STOX2: variants seen among roughly 807,000 people sequenced by gnomAD.
STOX2 encodes the protein storkhead-box protein 2.
In STOX2, 28 loss-of-function variants were observed where a neutral mutation model predicts 60.9. That is an observed-to-expected ratio of 0.46 (90% CI 0.34 to 0.63). STOX2 has a LOEUF of 0.63. STOX2 is among the 30% of genes least tolerant of loss of function. The probability of loss-of-function intolerance (pLI) is 0.01; values close to 1 mark genes in which losing one functional copy is unlikely to be tolerated. For missense variants in STOX2, 1,024 were observed against 1,187.7 expected, an observed-to-expected ratio of 0.86 and a Z score of 2.03; for synonymous variants, 472 against 463.9, an observed-to-expected ratio of 1.02 and a Z score of -0.22.
intron 1 of STOX2, among the ~76,000 whole-genome samples, chr4:183,807,874 G>C (rs905184271): frequency 1.3e-5 from 2 of 152,246 alleles, no homozygotes; most frequent in African/African-American, 4.8e-5. Flanking sequence ...TGCTGTCCGT[G>C]AGGCTGCAGC....
chr4:183,807,710 T>TGG lies in STOX2; in HGVS notation c.364+9658_364+9659dup, dbSNP rs141706521. On this transcript the variant is annotated intron_variant, in intron 1 of 2. Transcript: ENST00000513034. ...CTGGAAGAGGCTGAGCTGGGGGAGG[T>TGG]GGGGTAGGCAGGTGAGGGCCCAGGG... Among the ~76,000 whole-genome samples the TGG allele has an allele frequency of 5.7e-3, 853 of 150,510 alleles. 8 individuals are homozygous for TGG. Among genetic ancestry groups the TGG allele is most frequent in the African/African-American group, 0.02 (809 of 40,814 alleles).
At chr4:183,859,449 C>T (rs775969741) in intron 1 of STOX2, among the ~76,000 whole-genome samples, 1 of 152,292 alleles carries the variant, frequency 6.6e-6, no homozygotes, top group Middle Eastern at 3.4e-3. Context: ...TGGCAGTGAC[C>T]AAAGAGGATG....
chr4:183,958,878 A>G lies in STOX2; in HGVS notation c.167-42447A>G, dbSNP rs539748631. Reference sequence around the variant, plus strand: ...GTGGGTGGGACTCCTTTTCAGTGATATTGACGGTAGACCTGAAAATTCAGG... The same window carrying G: ...GTGGGTGGGACTCCTTTTCAGTGATGTTGACGGTAGACCTGAAAATTCAGG... On this transcript the variant is annotated intron_variant, in intron 1 of 3. Transcript: ENST00000308497. Among the ~76,000 whole-genome samples, 8 of 152,146 alleles carry G rather than the reference A, an allele frequency of 5.3e-5. No individual in the cohort carries two copies. In the East Asian group the frequency reaches 1.5e-3, roughly 29 times the overall value.
At chr4:183,911,516 A>G (rs1287530129) in intron 1 of STOX2, among the ~76,000 whole-genome samples, 1 of 152,180 alleles carries the variant, frequency 6.6e-6, no homozygotes, top group African/African-American at 2.4e-5. Context: ...GTGGTGAATG[A>G]CTTTATTCTT....
At chr4:183,969,526 C>G (rs1260777831) in intron 1 of STOX2, among the ~76,000 whole-genome samples, 1 of 152,196 alleles carries the variant, frequency 6.6e-6, no homozygotes, top group African/African-American at 2.4e-5. Flanking sequence ...CCTCAGCCTC[C>G]CAAAGCCCTG....
intron 1 of STOX2, among the ~76,000 whole-genome samples, chr4:183,817,972 T>C (rs551523099): frequency 1.3e-5 from 2 of 152,230 alleles, no homozygotes; most frequent in South Asian, 4.1e-4. Flanking sequence ...GGGTATGAAG[T>C]AACTATCACT....
rs1384938782 is a variant in STOX2 at position 183,825,590 on chromosome 4, A to G, written c.364+27535A>G. 2.6e-5 allele frequency among the ~76,000 whole-genome samples: 4 copies of G among 152,140 alleles called. No homozygotes were observed. The East Asian group carries it at 7.7e-4, about 29-fold the overall frequency. On this transcript the variant is annotated intron_variant, in intron 1 of 2. Coordinates refer to the STOX2 transcript ENST00000513034. The surrounding 1 kb of genome is among the most constrained non-coding windows in gnomAD (Gnocchi z 4.1). ...GCCTCTGTCCTGCCAACGTGGGTGCAGCGCCCGACCCCTCCCTGCCCGTCC... is the reference window on the plus strand; with the variant it reads ...GCCTCTGTCCTGCCAACGTGGGTGCGGCGCCCGACCCCTCCCTGCCCGTCC...
chr4:183,805,643 T>A (rs1437702517), intron 1 of STOX2, among the ~76,000 whole-genome samples: 2 of 152,106 alleles, frequency 1.3e-5, no homozygotes, highest in Admixed American at 6.5e-5. Flanking sequence ...ATCCCATTTC[T>A]ACAAAAAAGT....
intron 1 of STOX2, among the ~76,000 whole-genome samples, chr4:183,866,415 T>TC (rs1311737719): frequency 6.6e-6 from 1 of 152,134 alleles, no homozygotes; most frequent in East Asian, 1.9e-4. Flanking sequence ...AGATCCTGTT[T>TC]CTCCTGGTGT....
intron 1 of STOX2, among the ~76,000 whole-genome samples, chr4:183,840,901 T>A (rs894945654): frequency 3.9e-5 from 6 of 152,320 alleles, no homozygotes; most frequent in South Asian, 2.1e-4. Context: ...AGGGTCTCAC[T>A]CTGTTGCCCA....
intron 1 of STOX2, among the ~76,000 whole-genome samples, chr4:183,963,646 G>A (rs923127369): frequency 4.0e-5 from 6 of 151,526 alleles, no homozygotes; most frequent in South Asian, 2.1e-4. Flanking sequence ...GGCTGGTTTC[G>A]AACTCCTGAC....
At chr4:183,818,385 A>G (rs1400255988) in intron 1 of STOX2, among the ~76,000 whole-genome samples, 1 of 152,172 alleles carries the variant, frequency 6.6e-6, no homozygotes, top group Non-Finnish European at 1.5e-5. Flanking sequence ...TGGACACAGC[A>G]CATGTTTCAG....
chr4:183,967,189 TCCA>T (rs1743598957), intron 1 of STOX2, among the ~76,000 whole-genome samples: 3 of 151,750 alleles, frequency 2.0e-5, no homozygotes, highest in Non-Finnish European at 4.4e-5. Context: ...ACGGAGAAAC[TCCA>T]TCTCTACTAA....
chr4:183,889,434 C>T (rs1378528417), intron 1 of STOX2, among the ~76,000 whole-genome samples: 2 of 152,340 alleles, frequency 1.3e-5, no homozygotes, highest in East Asian at 3.9e-4. Flanking sequence ...CCAGAGGAAA[C>T]AGCCCTGCTC....
intron 1 of STOX2, among the ~76,000 whole-genome samples, chr4:183,819,099 G>C (rs566605348): frequency 6.6e-6 from 1 of 151,468 alleles, no homozygotes; most frequent in African/African-American, 2.4e-5. Flanking sequence ...CATCCCAGAC[G>C]ATGGGCGGCC....
At chr4:183,954,070 C>T (rs928336496) in intron 1 of STOX2, among the ~76,000 whole-genome samples, 14 of 152,122 alleles carry the variant, frequency 9.2e-5, no homozygotes, top group Non-Finnish European at 1.8e-4. Context: ...CGTCGTCATT[C>T]GGGTAAATTT....
intron 3 of STOX2, among the ~76,000 whole-genome samples, chr4:184,016,831 A>G (rs752320901): frequency 2.0e-5 from 3 of 152,210 alleles, no homozygotes; most frequent in Non-Finnish European, 4.4e-5. Flanking sequence ...AAAAAGGAGA[A>G]GACATTTCAA....
intron 1 of STOX2, among the ~76,000 whole-genome samples, chr4:183,910,396 G>A (rs1403035364): frequency 6.6e-6 from 1 of 152,120 alleles, no homozygotes; most frequent in Non-Finnish European, 1.5e-5. Context: ...GATTTTCAAG[G>A]CCCCAAACCT....
chr4:183,897,160 G>T (rs1008567546), intron 1 of STOX2, among the ~76,000 whole-genome samples: 1 of 152,174 alleles, frequency 6.6e-6, no homozygotes, highest in Non-Finnish European at 1.5e-5. Context: ...TGTCAATCAG[G>T]CAACTAAATT....
Sources: gnomAD v4.1 joint callset for allele counts (sites outside exome capture counted in the v4.1 genomes callset) on GRCh38, gnomAD v4.1.1 for gene constraint, Gnocchi (gnomAD v3.1) non-coding constraint, MANE v1.5 for transcripts, NCBI Gene and HGNC (gene_info 2026-07-23, HGNC 2026-07-21) for gene names.